THRAP3: variants seen among roughly 807,000 people sequenced by gnomAD.
THRAP3 encodes thyroid hormone receptor associated protein 3.
THRAP3 carries 16 observed loss-of-function variants against 101.0 expected under a neutral mutation model. The observed-to-expected ratio is 0.16, with a 90% CI of 0.11 to 0.24. The LOEUF (loss-of-function observed/expected upper bound fraction) is 0.24, where lower values mean the gene tolerates loss of function less well. Ranked by LOEUF, THRAP3 falls within the 10% of genes least tolerant of loss-of-function variation. The pLI, the probability that THRAP3 is intolerant of heterozygous loss-of-function variation, is 1.00. For synonymous variants in THRAP3, 407 were observed against 422.6 expected, an observed-to-expected ratio of 0.96 and a Z score of 0.45; for missense variants, 989 against 1,202.7, an observed-to-expected ratio of 0.82 and a Z score of 2.63.
intron 1 of THRAP3, among the ~76,000 whole-genome samples, chr1:36,254,416 G>A (rs1358572572): frequency 6.6e-6 from 1 of 152,188 alleles, no homozygotes; most frequent in Non-Finnish European, 1.5e-5. Flanking sequence ...ACTTCACACT[G>A]TGCCTTAAAA....
chr1:36,267,477 T>C (rs561462846), intron 2 of THRAP3, among the ~76,000 whole-genome samples: 1 of 152,296 alleles, frequency 6.6e-6, no homozygotes, highest in South Asian at 2.1e-4. Flanking sequence ...GTAGGAGCCT[T>C]AGTTTTGGTA....
At chr1:36,292,555 C>A in intron 6 of THRAP3, 43 bp from the exon 7 acceptor site, 2 of 1,501,200 alleles carry the variant, frequency 1.3e-6, no homozygotes, top group South Asian at 1.2e-5. Flanking sequence ...TAGGCTTGAG[C>A]CACCATGCCT....
At chr1:36,253,797 A>T (rs1645340207) in intron 1 of THRAP3, among the ~76,000 whole-genome samples, 1 of 110,540 alleles carries the variant, frequency 9.0e-6, no homozygotes, top group Non-Finnish European at 1.8e-5. Context: ...GTAGAGACGG[A>T]TCTTGCTGTG....
the THRAP3 span, among the ~76,000 whole-genome samples, chr1:36,212,284 C>T: frequency 6.6e-6 from 1 of 152,166 alleles, no homozygotes; most frequent in Non-Finnish European, 1.5e-5. Context: ...CTCATTCCAT[C>T]TGCTATCCCA....
chr1:36,266,968 C>T (rs550041539), intron 2 of THRAP3, among the ~76,000 whole-genome samples: 1 of 152,052 alleles, frequency 6.6e-6, no homozygotes, highest in African/African-American at 2.4e-5. Flanking sequence ...GCAGCCTCCG[C>T]CTCCTGGGTT....
At chr1:36,258,251 C>T (rs1218334468) in intron 1 of THRAP3, among the ~76,000 whole-genome samples, 1 of 152,222 alleles carries the variant, frequency 6.6e-6, no homozygotes, top group Non-Finnish European at 1.5e-5. Context: ...GATGTGAGCC[C>T]TCTGTGCCTC....
the THRAP3 span, among the ~76,000 whole-genome samples, chr1:36,218,421 A>G: frequency 2.1e-5 from 3 of 143,978 alleles, no homozygotes; most frequent in South Asian, 6.6e-4. Flanking sequence ...TCTCAAAAAA[A>G]AAAAAAAAAA....
At chr1:36,281,978 C>T (rs1055220618) in intron 2 of THRAP3, among the ~76,000 whole-genome samples, 2 of 152,006 alleles carry the variant, frequency 1.3e-5, no homozygotes, top group African/African-American at 4.8e-5. Flanking sequence ...GAGGCTGAGG[C>T]AGGAGAATTG....
At chr1:36,253,735 A>C (rs1296166196) in intron 1 of THRAP3, among the ~76,000 whole-genome samples, 6 of 139,138 alleles carry the variant, frequency 4.3e-5, no homozygotes, top group Non-Finnish European at 6.3e-5. Flanking sequence ...CTGGGACCAC[A>C]GGCGTACACC....
At chr1:36,248,840 C>G (rs1173313278) in intron 1 of THRAP3, among the ~76,000 whole-genome samples, 1 of 151,690 alleles carries the variant, frequency 6.6e-6, no homozygotes, top group East Asian at 1.9e-4. Flanking sequence ...CCAGGCATTG[C>G]GTTAGGTGTT....
intron 2 of THRAP3, among the ~76,000 whole-genome samples, chr1:36,264,173 C>T (rs1016618074): frequency 2.6e-5 from 4 of 152,026 alleles, no homozygotes; most frequent in Non-Finnish European, 5.9e-5. Context: ...CATTCTCCTT[C>T]TTGTAGGCAG....
At chr1:36,241,434 T>C (rs1471692426) in intron 1 of THRAP3, among the ~76,000 whole-genome samples, 13 of 144,730 alleles carry the variant, frequency 9.0e-5, no homozygotes, top group African/African-American at 2.3e-4. Context: ...TATATACACA[T>C]ATATAAATAA....
chr1:36,289,911 G>C (rs1245318996), intron 5 of THRAP3, 147 bp downstream of exon 5: 2 of 1,193,546 alleles, frequency 1.7e-6, no homozygotes. Flanking sequence ...GTTCACTGGA[G>C]AGTATGTGTC....
chr1:36,212,182 A>T, the THRAP3 span, among the ~76,000 whole-genome samples: 1 of 152,160 alleles, frequency 6.6e-6, no homozygotes, highest in Non-Finnish European at 1.5e-5. Flanking sequence ...ATGACCATTA[A>T]CAAGTCCAGG....
In THRAP3 at chr1:36,286,742, C is replaced by T. The variant is rs1645800199; in HGVS notation, c.512C>T (p.Ser171Phe). Residue 171 changes from serine to phenylalanine, a missense_variant, in exon 4 of 12, where the codon TCT becomes TTT. Coordinates refer to ENST00000354618, the MANE Select transcript of THRAP3 (RefSeq NM_005119.4). This position sits in a 1 kb window ranked among gnomAD's most constrained non-coding sequence, Gnocchi z 5.5. ...RSSSNHSRVE[S>F]SKRKSAKEKK... Reference sequence around the variant, plus strand: ...TCCTCCAACCATAGCCGAGTTGAATCTTCTAAGCGCAAGTCTGCAAAGGAG... The same window carrying T: ...TCCTCCAACCATAGCCGAGTTGAATTTTCTAAGCGCAAGTCTGCAAAGGAG... The T allele has an allele frequency of 4.3e-6, 7 of 1,614,218 alleles. 1 individual carries two copies. The Middle Eastern group carries it at 9.9e-4, about 228-fold the overall frequency.
At chr1:36,297,444 ATTTTTTTTTTT>A (rs764365723) in intron 9 of THRAP3, among the ~76,000 whole-genome samples, 1 of 122,372 alleles carries the variant, frequency 8.2e-6, no homozygotes, top group Non-Finnish European at 1.7e-5. Context: ...GCTGGCAAGC[ATTTTTTTTTTT>A]TTTTTTTTTT....
intron 6 of THRAP3, among the ~76,000 whole-genome samples, chr1:36,291,796 G>A (rs925807577): frequency 3.3e-5 from 5 of 152,192 alleles, no homozygotes; most frequent in Non-Finnish European, 5.9e-5. Flanking sequence ...GATTTAAAAT[G>A]GTTGAAAACT....
At chr1:36,220,727 G>C (rs934596163), upstream of THRAP3, among the ~76,000 whole-genome samples, 2 of 152,032 alleles carry the variant, frequency 1.3e-5, no homozygotes, top group African/African-American at 4.8e-5. Context: ...GCTGAGGCGG[G>C]TGGATCACCT....
intron 1 of THRAP3, among the ~76,000 whole-genome samples, chr1:36,248,805 C>A (rs1258594027): frequency 6.6e-6 from 1 of 151,998 alleles, no homozygotes; most frequent in Non-Finnish European, 1.5e-5. Flanking sequence ...ACCTATTGAG[C>A]AAACATGATG....
Sources: gnomAD v4.1 joint callset for allele counts (sites outside exome capture counted in the v4.1 genomes callset) on GRCh38, gnomAD v4.1.1 for gene constraint, Gnocchi (gnomAD v3.1) non-coding constraint, MANE v1.5 for transcripts, NCBI Gene and HGNC (gene_info 2026-07-23, HGNC 2026-07-21) for gene names.